The following LMBRD2 variants were observed in gnomAD, a reference collection of about 807,000 sequenced individuals.
LMBRD2 encodes LMBR1 domain containing 2.
A neutral mutation model predicts 94.4 loss-of-function variants in LMBRD2; 55 were observed. The ratio of observed to expected loss-of-function variants is 0.58; its 90% CI spans 0.47 to 0.73. The LOEUF is 0.73. Among genes scored for constraint, LMBRD2 ranks in the 30% least tolerant of loss-of-function variants. LMBRD2 has a pLI of 0.00. For missense variants in LMBRD2, 640 were observed against 831.9 expected (o/e 0.77, Z 2.84); for synonymous variants, 246 against 272.4 (o/e 0.90, Z 0.95).
rs1277890206 is a variant in LMBRD2, at chr5:36,151,712, CA to C, written c.-215del. 6.1e-6 allele frequency: 1 copy of C among 164,118 alleles called. No homozygotes were observed. The highest frequency in any genetic ancestry group is 1.4e-5 in the Non-Finnish European group (1 of 73,964). 10.2% of individuals were successfully genotyped at this position (164,118 alleles called of 1,614,324 possible). ...CGCCTCACGCGTTCCGCCTTAGGCT[CA>C]CCGTCCGATCTCGCCAGACAGCGTC... is the stretch of plus-strand genomic sequence containing the variant. On this transcript the variant is annotated 5_prime_UTR_variant, in exon 1 of 18. Coordinates refer to ENST00000296603, the MANE Select transcript of LMBRD2 (RefSeq NM_001007527.2). This position sits in a 1 kb window ranked among gnomAD's most constrained non-coding sequence, Gnocchi z 4.7.
chr5:36,123,855 T>C (rs1743944571), intron 7 of LMBRD2, among the ~76,000 whole-genome samples: 1 of 151,820 alleles, frequency 6.6e-6, no homozygotes, highest in Non-Finnish European at 1.5e-5. Flanking sequence ...TTGTAAGATA[T>C]TACTGAGGCC....
Position 36,103,940 on chromosome 5 carries a change from G to T in LMBRD2, c.*106C>A. ...TTCTCAGTGCCTTTTTTGTTATCTT[G>T]ACACTTTTCACTGTGTATAGAGGAA... On this transcript the variant is annotated 3_prime_UTR_variant, in exon 18 of 18. Transcript: ENST00000296603. 2 of 725,790 alleles carry T rather than the reference G, an allele frequency of 2.8e-6. No individual in the cohort carries two copies. The highest frequency in any genetic ancestry group is 5.0e-5 in the Admixed American group (2 of 39,840). 45.0% of individuals were successfully genotyped at this position (725,790 alleles called of 1,614,324 possible).
chr5:36,115,806 T>C (rs1251282678), intron 11 of LMBRD2, among the ~76,000 whole-genome samples: 1 of 152,208 alleles, frequency 6.6e-6, no homozygotes, highest in Non-Finnish European at 1.5e-5. Flanking sequence ...TGTTTTACTC[T>C]CATTTCCTGG....
chr5:36,114,809 CATA>C (rs1221286082), intron 12 of LMBRD2, among the ~76,000 whole-genome samples: 1 of 151,920 alleles, frequency 6.6e-6, no homozygotes, highest in Non-Finnish European at 1.5e-5. Context: ...AGCTAGACAA[CATA>C]TATGAACCAA....
chr5:36,122,612 G>GATGTAACAGTTTTATATA (rs1743913223), intron 8 of LMBRD2, 149 bp from the exon 9 acceptor site: 1 of 871,590 alleles, frequency 1.1e-6, no homozygotes, highest in Non-Finnish European at 1.7e-6. Flanking sequence ...GTTCCAAAAT[G>GATGTAACAGTTTTATATA]ATGTAACAGT....
At chr5:36,107,203 T>G (rs1217338988) in intron 16 of LMBRD2, among the ~76,000 whole-genome samples, 1 of 152,190 alleles carries the variant, frequency 6.6e-6, no homozygotes, top group East Asian at 1.9e-4. Context: ...CTCTTTTGTA[T>G]AGTTTCCATC....
At chr5:36,150,935 T>C (rs1385567673) in intron 1 of LMBRD2, among the ~76,000 whole-genome samples, 1 of 152,232 alleles carries the variant, frequency 6.6e-6, no homozygotes, top group Non-Finnish European at 1.5e-5. Context: ...CTGAATATTC[T>C]AATATGCGAT....
chr5:36,148,922 C>A (rs899366906), intron 1 of LMBRD2, among the ~76,000 whole-genome samples: 3 of 152,158 alleles, frequency 2.0e-5, no homozygotes, highest in Non-Finnish European at 4.4e-5. Context: ...AATGCTTAGT[C>A]ATGTTTAATA....
At chr5:36,114,930 C>A in intron 12 of LMBRD2, 85 bp downstream of exon 12, 1 of 867,218 alleles carries the variant, frequency 1.2e-6, no homozygotes, top group Non-Finnish European at 1.8e-6. Context: ...TAGAACTTTT[C>A]TGCTGGCATT....
At position 36,100,681 on chromosome 5, in the gene LMBRD2, G is replaced by A. The variant is rs1581036286; in HGVS notation, c.*3365C>T. On this transcript the variant is annotated 3_prime_UTR_variant, in exon 18 of 18. Transcript: ENST00000296603. Reference sequence around the variant, plus strand: ...AGATTTTTCAGGGACATATTTTGTCGCTTAGTGCAAATATACTTGTAATTT... The same window carrying A: ...AGATTTTTCAGGGACATATTTTGTCACTTAGTGCAAATATACTTGTAATTT... 1.3e-5 allele frequency: 2 copies of A among 152,038 alleles called. No individual in the cohort carries two copies. The highest frequency in any genetic ancestry group is 6.6e-5 in the Admixed American group (1 of 15,244). The allele number at this position is 152,038 out of a possible 1,614,324, so 9.4% of individuals were successfully genotyped here.
intron 16 of LMBRD2, among the ~76,000 whole-genome samples, chr5:36,107,569 G>T (rs1281634378): frequency 6.6e-6 from 1 of 152,184 alleles, no homozygotes. Flanking sequence ...TTTGGATTTG[G>T]TTGTTGCTTT....
Position 36,105,820 on chromosome 5 carries a change from C to G in LMBRD2, c.1898-623G>C, listed in dbSNP as rs528970676. On this transcript the variant is annotated intron_variant, in intron 16 of 17. Transcript: ENST00000296603. ...CCACGTGTGGCTAATGATTATCATA[C>G]CAGACAGCAGATAAAGAAAACTAAC... Among the ~76,000 whole-genome samples the G allele has an allele frequency of 5.9e-5, 9 of 152,242 alleles. No homozygotes were observed. In the South Asian group the frequency reaches 1.9e-3, roughly 32 times the overall value.
At chr5:36,120,450 G>A (rs989263195) in intron 9 of LMBRD2, among the ~76,000 whole-genome samples, 9 of 152,064 alleles carry the variant, frequency 5.9e-5, no homozygotes, top group African/African-American at 1.4e-4. Context: ...TAGTAGAGAC[G>A]GGGTTTCACC....
rs1017586322 is a variant in LMBRD2, at chr5:36,098,452, A to G, written c.*5594T>C. 1 of 152,036 alleles carries G rather than the reference A, an allele frequency of 6.6e-6. No homozygotes were observed. The highest frequency in any genetic ancestry group is 1.5e-5 in the Non-Finnish European group (1 of 67,920). The allele number at this position is 152,036 out of a possible 1,614,324, so 9.4% of individuals were successfully genotyped here. A position where few individuals can be genotyped will look rare whatever the true frequency, so the allele number is the denominator to read the frequency against. ...ACATATTTATTTTAAAACATTTGTC[A>G]TATTTGCTAATAAATTGATAAGGAA... is the stretch of plus-strand genomic sequence containing the variant. On this transcript the variant is annotated 3_prime_UTR_variant, in exon 18 of 18. Transcript: ENST00000296603.
intron 6 of LMBRD2, among the ~76,000 whole-genome samples, chr5:36,135,585 A>G (rs1744251914): frequency 6.6e-6 from 1 of 152,180 alleles, no homozygotes; most frequent in Non-Finnish European, 1.5e-5. Context: ...GTTTATTCTA[A>G]CATGAATGAA....
chr5:36,130,813 A>G (rs1744133742), intron 6 of LMBRD2, among the ~76,000 whole-genome samples: 2 of 152,186 alleles, frequency 1.3e-5, no homozygotes, highest in Admixed American at 1.3e-4. Flanking sequence ...ACCTGAACAG[A>G]TTGACAACAA....
intron 1 of LMBRD2, among the ~76,000 whole-genome samples, chr5:36,144,680 G>A (rs1157324122): frequency 2.0e-5 from 3 of 152,052 alleles, no homozygotes; most frequent in African/African-American, 7.2e-5. Context: ...GCAAAATTCT[G>A]TCTCAAAATA....
chr5:36,108,196 C>T (rs1581040587), intron 16 of LMBRD2, among the ~76,000 whole-genome samples: 1 of 152,190 alleles, frequency 6.6e-6, no homozygotes, highest in Admixed American at 6.5e-5. Context: ...GACCAAATAA[C>T]CTACACCTAC....
At chr5:36,109,794 G>T in intron 15 of LMBRD2, 151 bp downstream of exon 15, 1 of 611,426 alleles carries the variant, frequency 1.6e-6, no homozygotes, top group Non-Finnish European at 2.9e-6. Context: ...ATACCTGAAA[G>T]TATTAAAATT....
Sources: gnomAD v4.1 joint callset for allele counts (sites outside exome capture counted in the v4.1 genomes callset) on GRCh38, gnomAD v4.1.1 for gene constraint, Gnocchi (gnomAD v3.1) non-coding constraint, MANE v1.5 for transcripts, NCBI Gene and HGNC (gene_info 2026-07-23, HGNC 2026-07-21) for gene names.